The following PEX2 variants were observed in gnomAD, a reference collection of about 807,000 sequenced individuals.
The protein encoded by PEX2 is peroxisome biogenesis factor 2.
PEX2 carries 19 observed loss-of-function variants against 25.2 expected under a neutral mutation model. The ratio of observed to expected loss-of-function variants is 0.75; its 90% CI spans 0.53 to 1.10. PEX2 has a LOEUF of 1.10. Among genes scored for constraint, PEX2 ranks in the 50% least tolerant of loss-of-function variants. The pLI, the probability that PEX2 is intolerant of heterozygous loss-of-function variation, is 0.00. For synonymous variants in PEX2, 141 were observed against 127.7 expected, an observed-to-expected ratio of 1.10 and a Z score of -0.70; for missense variants, 347 against 350.6, an observed-to-expected ratio of 0.99 and a Z score of 0.08.
chr8:76,999,219 G>A (rs994265363), intron 1 of PEX2, among the ~76,000 whole-genome samples: 1 of 152,092 alleles, frequency 6.6e-6, no homozygotes, highest in Non-Finnish European at 1.5e-5. Flanking sequence ...TTAATTGTCC[G>A]AAACGTCAAG....
In PEX2 at chr8:76,983,181, T is replaced by A; in HGVS notation, c.*80A>T. 1 of 1,598,132 alleles carries A rather than the reference T, an allele frequency of 6.3e-7. No homozygotes were observed. The highest frequency in any genetic ancestry group is 1.3e-5 in the African/African-American group (1 of 75,012). ...GAGCACATTCCTTATAAAGGATACA[T>A]AAATGGTATACTTAGGATGACTAAT... is the stretch of plus-strand genomic sequence containing the variant. On this transcript the variant is annotated 3_prime_UTR_variant, in exon 4 of 4. Transcript: ENST00000357039.
chr8:76,987,666 G>A (rs2132049238), intron 2 of PEX2, among the ~76,000 whole-genome samples: 1 of 152,290 alleles, frequency 6.6e-6, no homozygotes, highest in East Asian at 1.9e-4. Flanking sequence ...ATGATCTAGT[G>A]AGAAACTAAT....
chr8:76,985,226 G>C (rs1378111117), intron 3 of PEX2, among the ~76,000 whole-genome samples: 2 of 150,694 alleles, frequency 1.3e-5, no homozygotes, highest in South Asian at 2.1e-4. Flanking sequence ...ATGGACCTCA[G>C]TATGATCTCA....
chr8:76,992,054 T>C (rs1199244148), intron 1 of PEX2, among the ~76,000 whole-genome samples: 2 of 152,122 alleles, frequency 1.3e-5, no homozygotes, highest in Non-Finnish European at 2.9e-5. Context: ...AGACATAAAT[T>C]GTGGCAGTTA....
At chr8:76,988,987 G>A (rs1208884961) in intron 1 of PEX2, among the ~76,000 whole-genome samples, 1 of 135,856 alleles carries the variant, frequency 7.4e-6, no homozygotes, top group Non-Finnish European at 1.5e-5. Context: ...AACACAGGGA[G>A]ACACTGTCTC....
At chr8:76,997,314 A>G (rs1807365780) in intron 1 of PEX2, among the ~76,000 whole-genome samples, 1 of 152,226 alleles carries the variant, frequency 6.6e-6, no homozygotes, top group Admixed American at 6.5e-5. Flanking sequence ...CATTCATCTA[A>G]CACTAAAAGA....
At position 76,983,444 on chromosome 8, in the gene PEX2, AGCGCATTCTTT is replaced by A; in HGVS notation, c.724_734del (p.Lys242SerfsTer15). ...GCATGGTGGGCCACTCTCCACATAG[AGCGCATTCTTT>A]GCCACTGGTGGCTAATGTATTGTCA... On this transcript the variant is annotated frameshift_variant, in exon 4 of 4. Coordinates refer to ENST00000357039, the MANE Select transcript of PEX2 (RefSeq NM_000318.3). LOFTEE classifies it high-confidence loss of function. 6.2e-7 allele frequency: 1 copy of A among 1,614,134 alleles called. No homozygotes were observed. Among genetic ancestry groups the A allele is most frequent in the Non-Finnish European group, 8.5e-7 (1 of 1,180,014 alleles).
intron 1 of PEX2, among the ~76,000 whole-genome samples, chr8:76,990,227 G>A (rs928817084): frequency 2.6e-5 from 4 of 152,146 alleles, no homozygotes; most frequent in Non-Finnish European, 5.9e-5. Context: ...AGAGAGTTAG[G>A]AACTTGCTCT....
At chr8:77,000,169 T>A, upstream of PEX2, 1 of 317,770 alleles carries the variant, frequency 3.1e-6, no homozygotes. Context: ...CAACGAGAAC[T>A]GCGCTTTAGC....
chr8:77,000,055 T>C lies in PEX2; in HGVS notation c.-225A>G, dbSNP rs1586081717. 2 of 434,240 alleles carry C rather than the reference T, an allele frequency of 4.6e-6. No homozygotes were observed. The highest frequency in any genetic ancestry group is 3.9e-4 in the Middle Eastern group (1 of 2,540). 26.9% of individuals were successfully genotyped at this position (434,240 alleles called of 1,614,324 possible). A position where few individuals can be genotyped will look rare whatever the true frequency, so the allele number is the denominator to read the frequency against. On this transcript the variant is annotated 5_prime_UTR_variant, in exon 1 of 4. Coordinates refer to ENST00000357039, the MANE Select transcript of PEX2 (RefSeq NM_000318.3). Reference sequence around the variant, plus strand: ...TCTGAAACATTCTCTGGAAAGCTTGTCTTTTCCTAGCCGAATCTGGATTAC... The same window carrying C: ...TCTGAAACATTCTCTGGAAAGCTTGCCTTTTCCTAGCCGAATCTGGATTAC...
intron 1 of PEX2, among the ~76,000 whole-genome samples, chr8:76,992,356 G>A (rs1158081837): frequency 6.6e-6 from 1 of 152,176 alleles, no homozygotes; most frequent in Non-Finnish European, 1.5e-5. Context: ...ACATGGTACA[G>A]GCAGTCCAAG....
chr8:77,000,274 G>T, upstream of PEX2: 1 of 304,012 alleles, frequency 3.3e-6, no homozygotes, highest in Non-Finnish European at 6.4e-6. Flanking sequence ...ACCCGCGCGC[G>T]GTGATTGGCC....
intron 3 of PEX2, among the ~76,000 whole-genome samples, chr8:76,984,818 A>G (rs1806958402): frequency 6.6e-6 from 1 of 152,190 alleles, no homozygotes; most frequent in African/African-American, 2.4e-5. Context: ...TGCCGAAAAT[A>G]AATAGTACTA....
chr8:76,992,987 G>T (rs1807218073), intron 1 of PEX2, among the ~76,000 whole-genome samples: 1 of 152,140 alleles, frequency 6.6e-6, no homozygotes, highest in South Asian at 2.1e-4. Context: ...GAAATAGCAA[G>T]CTCCTGACCA....
At chr8:76,991,872 A>C (rs1807179761) in intron 1 of PEX2, among the ~76,000 whole-genome samples, 1 of 152,198 alleles carries the variant, frequency 6.6e-6, no homozygotes, top group South Asian at 2.1e-4. Context: ...ATAAAGCAGT[A>C]TTATTTATTA....
chr8:76,993,268 AC>A (rs1807226599), intron 1 of PEX2, among the ~76,000 whole-genome samples: 1 of 152,348 alleles, frequency 6.6e-6, no homozygotes, highest in Admixed American at 6.5e-5. Context: ...GATTAATCTG[AC>A]GGCAGAGTTC....
chr8:76,985,245 T>G (rs533032878), intron 3 of PEX2, among the ~76,000 whole-genome samples: 1 of 151,430 alleles, frequency 6.6e-6, no homozygotes, highest in Non-Finnish European at 1.5e-5. Context: ...CATTTATATG[T>G]GGATTCTAAA....
chr8:76,984,741 A>G (rs1028864252), intron 3 of PEX2, among the ~76,000 whole-genome samples: 1 of 152,178 alleles, frequency 6.6e-6, no homozygotes, highest in African/African-American at 2.4e-5. Context: ...AATACATTTT[A>G]TATGTGTAAA....
At chr8:76,992,923 G>A (rs1463904495) in intron 1 of PEX2, among the ~76,000 whole-genome samples, 1 of 152,158 alleles carries the variant, frequency 6.6e-6, no homozygotes, top group Non-Finnish European at 1.5e-5. Flanking sequence ...ACTTTCCAGG[G>A]AGAAAAGAGG....
Sources: gnomAD v4.1 joint callset for allele counts (sites outside exome capture counted in the v4.1 genomes callset) on GRCh38, gnomAD v4.1.1 for gene constraint, MANE v1.5 for transcripts, NCBI Gene and HGNC (gene_info 2026-07-23, HGNC 2026-07-21) for gene names.